Variants in RORA observed in about 807,000 individuals in gnomAD.
The protein encoded by RORA is RAR related orphan receptor A.
Under a neutral mutation model 69.5 loss-of-function variants are expected in RORA, and 7 were observed. The observed-to-expected ratio is 0.10, with a 90% confidence interval of 0.06 to 0.19. The LOEUF (loss-of-function observed/expected upper bound fraction) is 0.19, where lower values mean the gene tolerates loss of function less well. Ranked by LOEUF, RORA falls within the 10% of genes least tolerant of loss-of-function variation. The probability of loss-of-function intolerance (pLI) is 1.00; values close to 1 mark genes in which losing one functional copy is unlikely to be tolerated. For missense variants in RORA, 457 were observed against 663.0 expected, an observed-to-expected ratio of 0.69 and a Z score of 3.41; for synonymous variants, 261 against 240.8, an observed-to-expected ratio of 1.08 and a Z score of -0.78.
chr15:60,581,016 C>A (rs1235367808), intron 2 of RORA, among the ~76,000 whole-genome samples: 1 of 152,194 alleles, frequency 6.6e-6, no homozygotes, highest in Non-Finnish European at 1.5e-5. Flanking sequence ...AACTACAGCA[C>A]CCACATTTTC....
Position 60,839,872 on chromosome 15 carries a change from T to C in RORA, c.167-161186A>G, listed in dbSNP as rs143765932. On this transcript the variant is annotated intron_variant, in intron 1 of 10. Coordinates refer to ENST00000335670, the MANE Select transcript of RORA (RefSeq NM_134261.3). Reference sequence around the variant, plus strand: ...ATGTGCAGGTATGGAGTGTCTAGTATGAAGGCTGGCATCTAGTAGGTGCTC... The same window carrying C: ...ATGTGCAGGTATGGAGTGTCTAGTACGAAGGCTGGCATCTAGTAGGTGCTC... Among the ~76,000 whole-genome samples, 633 of 152,336 alleles carry C rather than the reference T, an allele frequency of 4.2e-3. 3 individuals are homozygous for C. Among genetic ancestry groups the C allele is most frequent in the African/African-American group, 0.015 (605 of 41,588 alleles).
intron 1 of RORA, among the ~76,000 whole-genome samples, chr15:61,138,314 T>C (rs1321772134): frequency 1.3e-5 from 2 of 152,108 alleles, no homozygotes; most frequent in African/African-American, 4.8e-5. Flanking sequence ...AAGAAGTACT[T>C]AAAAAAAGTG....
intron 1 of RORA, among the ~76,000 whole-genome samples, chr15:61,025,810 C>T (rs1403738): frequency 0.17 from 26,164 of 152,138 alleles, 2,470 homozygotes; most frequent in East Asian, 0.28. Flanking sequence ...ACCAAATGAG[C>T]GTTGGCAACA....
chr15:60,879,707 T>A (rs1448648033), intron 1 of RORA, among the ~76,000 whole-genome samples: 4 of 152,206 alleles, frequency 2.6e-5, no homozygotes, highest in Admixed American at 2.0e-4. Flanking sequence ...TCAGAGGATA[T>A]CAATGAAATT....
chr15:60,519,464 A>G (rs780281369), intron 3 of RORA, among the ~76,000 whole-genome samples: 50 of 152,178 alleles, frequency 3.3e-4, no homozygotes, highest in Admixed American at 2.5e-3. Flanking sequence ...TAACTCCAGA[A>G]CTTACACTGT....
chr15:60,809,498 A>T (rs2072711167), intron 1 of RORA, among the ~76,000 whole-genome samples: 1 of 152,154 alleles, frequency 6.6e-6, no homozygotes, highest in African/African-American at 2.4e-5. Context: ...TTTGATATTT[A>T]CCTCCATATC....
intron 4 of RORA, among the ~76,000 whole-genome samples, chr15:60,512,425 C>T (rs2065732749): frequency 1.3e-5 from 2 of 152,064 alleles, no homozygotes; most frequent in Admixed American, 6.5e-5. Context: ...TAGCTGGGAC[C>T]ACGTGTGTAC....
chr15:60,556,097 C>G (rs1433943674), intron 2 of RORA, among the ~76,000 whole-genome samples: 1 of 151,820 alleles, frequency 6.6e-6, no homozygotes, highest in Non-Finnish European at 1.5e-5. Context: ...CCTCTACTTT[C>G]CAATGAAGCA....
At chr15:61,026,203 G>A (rs2140428379) in intron 1 of RORA, among the ~76,000 whole-genome samples, 1 of 152,214 alleles carries the variant, frequency 6.6e-6, no homozygotes, top group African/African-American at 2.4e-5. Context: ...TGTTAAAACT[G>A]TCCACTTTTG....
At chr15:61,101,746 G>C (rs182074358) in intron 1 of RORA, among the ~76,000 whole-genome samples, 1 of 152,104 alleles carries the variant, frequency 6.6e-6, no homozygotes, top group Non-Finnish European at 1.5e-5. Flanking sequence ...TCCCTGCTGT[G>C]TGTGGTGGAG....
chr15:61,060,455 C>G (rs1454156486), intron 1 of RORA, among the ~76,000 whole-genome samples: 1 of 152,166 alleles, frequency 6.6e-6, no homozygotes, highest in Non-Finnish European at 1.5e-5. Context: ...CCATGGGTGC[C>G]TTTCAGGTAC....
At chr15:61,164,159 T>C (rs768713634) in intron 1 of RORA, among the ~76,000 whole-genome samples, 16 of 151,238 alleles carry the variant, frequency 1.1e-4, no homozygotes, top group Non-Finnish European at 2.2e-4. Context: ...AAAAAAAACA[T>C]GTGGAGCCTG....
chr15:61,107,832 G>A (rs137884989), intron 1 of RORA, among the ~76,000 whole-genome samples: 39 of 151,892 alleles, frequency 2.6e-4, no homozygotes, highest in Non-Finnish European at 4.3e-4. Context: ...CCTGGACACC[G>A]AATCCCAGAG....
chr15:61,161,725 A>G (rs1175310877), intron 1 of RORA, among the ~76,000 whole-genome samples: 2 of 152,192 alleles, frequency 1.3e-5, no homozygotes, highest in African/African-American at 2.4e-5. Context: ...GATAATTTGA[A>G]GATGCTAATT....
At chr15:60,704,824 A>G (rs1263940451) in intron 1 of RORA, among the ~76,000 whole-genome samples, 1 of 152,162 alleles carries the variant, frequency 6.6e-6, no homozygotes, top group Non-Finnish European at 1.5e-5. Context: ...TATTGGCTTG[A>G]AGTGCTCCAC....
intron 1 of RORA, among the ~76,000 whole-genome samples, chr15:61,129,317 C>T (rs897018686): frequency 1.3e-5 from 2 of 152,026 alleles, no homozygotes; most frequent in Non-Finnish European, 2.9e-5. Context: ...TTCTTGAAAA[C>T]ATTGTGTTAA....
At chr15:60,602,127 G>C (rs1384417699) in intron 2 of RORA, among the ~76,000 whole-genome samples, 1 of 152,134 alleles carries the variant, frequency 6.6e-6, no homozygotes, top group Non-Finnish European at 1.5e-5. Context: ...ACGGTGATTT[G>C]ATTTACAACA....
intron 1 of RORA, among the ~76,000 whole-genome samples, chr15:60,699,341 T>C (rs1356580185): frequency 1.3e-5 from 2 of 152,208 alleles, no homozygotes; most frequent in Non-Finnish European, 2.9e-5. Flanking sequence ...TAAATATACT[T>C]TTTTCTTGCT....
At chr15:60,529,430 G>C (rs2066464628) in intron 3 of RORA, 1 of 152,208 alleles carries the variant, frequency 6.6e-6, no homozygotes, top group Non-Finnish European at 1.5e-5. Flanking sequence ...AGAACAAAGA[G>C]TATATGTATC....
Sources: gnomAD v4.1 joint callset for allele counts (sites outside exome capture counted in the v4.1 genomes callset) on GRCh38, gnomAD v4.1.1 for gene constraint, MANE v1.5 for transcripts, NCBI Gene and HGNC (gene_info 2026-07-23, HGNC 2026-07-21) for gene names.